TINAG: variants seen among roughly 807,000 people sequenced by gnomAD.
TINAG encodes the protein tubulointerstitial nephritis antigen.
In TINAG, 83 loss-of-function variants were observed where a neutral mutation model predicts 72.7. That is an observed-to-expected ratio of 1.14 (90% CI 0.96 to 1.37). The LOEUF (loss-of-function observed/expected upper bound fraction) is 1.37, where lower values mean the gene tolerates loss of function less well. Ranked by LOEUF, TINAG falls within the 40% of genes most tolerant of loss-of-function variation. The pLI is 0.00. For synonymous variants in TINAG, 234 were observed against 189.9 expected (o/e 1.23, Z -1.91); for missense variants, 685 against 576.6 (o/e 1.19, Z -1.93).
At chr6:54,308,058 G>A (rs948211794), upstream of TINAG, 26 of 1,549,756 alleles carry the variant, frequency 1.7e-5, no homozygotes, top group African/African-American at 3.4e-4. Flanking sequence ...ATCCTAGCAG[G>A]CAACCTCATG....
chr6:54,381,830 C>A (rs1215402277), intron 10 of TINAG, among the ~76,000 whole-genome samples: 1 of 151,932 alleles, frequency 6.6e-6, no homozygotes, highest in Non-Finnish European at 1.5e-5. Context: ...GAGAAAAAAT[C>A]AAGTTCTTTG....
chr6:54,315,498 T>A (rs1033763302), intron 1 of TINAG, among the ~76,000 whole-genome samples: 3 of 151,464 alleles, frequency 2.0e-5, no homozygotes, highest in Non-Finnish European at 4.4e-5. Flanking sequence ...TAAGACCTCA[T>A]CCCCACCAAC....
intron 9 of TINAG, among the ~76,000 whole-genome samples, chr6:54,373,825 G>A (rs1212215100): frequency 2.6e-5 from 4 of 152,066 alleles, no homozygotes; most frequent in Non-Finnish European, 4.4e-5. Flanking sequence ...AAGGCAAAAA[G>A]CCATTTCTAT....
chr6:54,347,969 G>T (rs1785166130), intron 6 of TINAG, among the ~76,000 whole-genome samples: 1 of 152,004 alleles, frequency 6.6e-6, no homozygotes, highest in Non-Finnish European at 1.5e-5. Flanking sequence ...CATCAGTATT[G>T]TTCATTAATT....
chr6:54,374,652 A>T (rs1216855099), intron 9 of TINAG, among the ~76,000 whole-genome samples: 2 of 151,962 alleles, frequency 1.3e-5, no homozygotes, highest in South Asian at 2.1e-4. Flanking sequence ...GGGAACTAAG[A>T]CTCTATCTGT....
intron 6 of TINAG, among the ~76,000 whole-genome samples, chr6:54,349,068 A>G (rs1047716033): frequency 3.9e-5 from 6 of 151,990 alleles, no homozygotes; most frequent in African/African-American, 1.4e-4. Flanking sequence ...TTTACTTTCA[A>G]AATCAGAAAT....
At chr6:54,386,575 T>C (rs1351373204) in intron 10 of TINAG, among the ~76,000 whole-genome samples, 1 of 152,160 alleles carries the variant, frequency 6.6e-6, no homozygotes, top group Non-Finnish European at 1.5e-5. Flanking sequence ...ACAGATCCTC[T>C]CTCAACAGAG....
chr6:54,333,864 A>T (rs1342127721), intron 4 of TINAG, among the ~76,000 whole-genome samples: 1 of 152,106 alleles, frequency 6.6e-6, no homozygotes, highest in Non-Finnish European at 1.5e-5. Context: ...TCAGACATAT[A>T]TGCCTTGATG....
At chr6:54,349,610 T>C in intron 6 of TINAG, 106 bp from the exon 7 acceptor site, 2 of 1,074,834 alleles carry the variant, frequency 1.9e-6, no homozygotes, top group South Asian at 2.7e-5. Context: ...TGCATGTAAG[T>C]AACCAGAATA....
At chr6:54,321,072 G>A (rs183011409) in intron 2 of TINAG, among the ~76,000 whole-genome samples, 2 of 152,274 alleles carry the variant, frequency 1.3e-5, no homozygotes, top group East Asian at 1.9e-4. Flanking sequence ...TTCAGCAGAT[G>A]TGTGATCATA....
chr6:54,317,265 A>AT (rs1241879902), intron 1 of TINAG, among the ~76,000 whole-genome samples: 9 of 151,502 alleles, frequency 5.9e-5, no homozygotes, highest in Admixed American at 5.3e-4. Flanking sequence ...CTCAAGCATC[A>AT]TTTTTTTCTT....
chr6:54,375,407 G>C (rs995060768), intron 9 of TINAG, among the ~76,000 whole-genome samples: 1 of 152,098 alleles, frequency 6.6e-6, no homozygotes, highest in Non-Finnish European at 1.5e-5. Flanking sequence ...ACTGTCTTAG[G>C]CAATGATAAA....
At chr6:54,308,182 T>G (rs147611390), upstream of TINAG, 28,573 of 1,464,272 alleles carry the variant, frequency 0.02, 367 homozygotes, top group Non-Finnish European at 0.023. Context: ...GGGCCATGTA[T>G]ATTCTAAGGA....
intron 3 of TINAG, among the ~76,000 whole-genome samples, chr6:54,326,428 A>G (rs1050576751): frequency 1.3e-5 from 2 of 151,988 alleles, no homozygotes; most frequent in Non-Finnish European, 2.9e-5. Context: ...TTTAAAGAAA[A>G]TGTATTAACC....
At chr6:54,327,156 C>T in intron 4 of TINAG, 1 of 1,547,732 alleles carries the variant, frequency 6.5e-7, no homozygotes, top group Non-Finnish European at 8.7e-7. Flanking sequence ...ATTGAATGGG[C>T]TGGCAAGATG....
intron 10 of TINAG, among the ~76,000 whole-genome samples, chr6:54,382,929 A>G (rs1388808414): frequency 1.3e-5 from 2 of 152,174 alleles, no homozygotes; most frequent in African/African-American, 2.4e-5. Context: ...AAACATTAGG[A>G]ATATAAACAT....
At chr6:54,357,483 A>G (rs1380663096) in intron 9 of TINAG, among the ~76,000 whole-genome samples, 8 of 152,056 alleles carry the variant, frequency 5.3e-5, no homozygotes, top group Non-Finnish European at 1.0e-4. Context: ...CTTCAAATTC[A>G]ACACTTCCAA....
intron 9 of TINAG, among the ~76,000 whole-genome samples, chr6:54,371,658 G>A (rs530570981): frequency 1.7e-4 from 26 of 152,050 alleles, no homozygotes; most frequent in African/African-American, 6.0e-4. Context: ...GTAATGACAG[G>A]AAGAAACAAT....
At chr6:54,337,314 G>T (rs1240939889) in intron 4 of TINAG, among the ~76,000 whole-genome samples, 1 of 137,306 alleles carries the variant, frequency 7.3e-6, no homozygotes, top group African/African-American at 2.8e-5. Flanking sequence ...GTGCAGTGCT[G>T]CTATCTCTGC....
Sources: gnomAD v4.1 joint callset for allele counts (sites outside exome capture counted in the v4.1 genomes callset) on GRCh38, gnomAD v4.1.1 for gene constraint, MANE v1.5 for transcripts, NCBI Gene and HGNC (gene_info 2026-07-23, HGNC 2026-07-21) for gene names.